Variants in CABLES1 observed in about 807,000 individuals in gnomAD.
The protein encoded by CABLES1 is CDK5 and ABL1 enzyme substrate 1.
A neutral mutation model predicts 57.8 loss-of-function variants in CABLES1; 36 were observed. The ratio of observed to expected loss-of-function variants is 0.62; its 90% confidence interval spans 0.48 to 0.82. The LOEUF (loss-of-function observed/expected upper bound fraction) is 0.82, where lower values mean the gene tolerates loss of function less well. CABLES1 is among the 40% of genes least tolerant of loss of function. The probability of loss-of-function intolerance (pLI) is 0.00; values close to 1 mark genes in which losing one functional copy is unlikely to be tolerated. For synonymous variants in CABLES1, 374 were observed against 363.0 expected (o/e 1.03, Z -0.35); for missense variants, 767 against 836.6 (o/e 0.92, Z 1.03).
intron 7 of CABLES1, among the ~76,000 whole-genome samples, chr18:23,245,798 G>A (rs960459416): frequency 2.0e-5 from 3 of 152,232 alleles, no homozygotes; most frequent in South Asian, 2.1e-4. Context: ...TCAAGTGCTC[G>A]ACAGTGCATT....
At chr18:23,226,971 T>C (rs1180159732) in intron 4 of CABLES1, 1 of 152,140 alleles carries the variant, frequency 6.6e-6, no homozygotes, top group Admixed American at 6.6e-5. Flanking sequence ...CAGGAGTCAC[T>C]TACTTACTAC....
intron 1 of CABLES1, among the ~76,000 whole-genome samples, chr18:23,147,385 C>T (rs1351670048): frequency 1.3e-5 from 2 of 152,232 alleles, no homozygotes; most frequent in African/African-American, 4.8e-5. Context: ...GACTCCAGTA[C>T]TTTTGGGGTG....
At chr18:23,151,771 G>A (rs918938208) in intron 1 of CABLES1, among the ~76,000 whole-genome samples, 1 of 152,212 alleles carries the variant, frequency 6.6e-6, no homozygotes, top group Non-Finnish European at 1.5e-5. Context: ...ACAAGGGCTA[G>A]AAGGATTGGG....
chr18:23,232,472 G>A lies in CABLES1; in HGVS notation c.1089-2136G>A, dbSNP rs573412622. Among the ~76,000 whole-genome samples the A allele has an allele frequency of 6.6e-5, 10 of 152,322 alleles. No homozygotes were observed. In the South Asian group the frequency reaches 8.3e-4, roughly 13 times the overall value. On this transcript the variant is annotated intron_variant, in intron 4 of 9. Transcript: ENST00000256925. Reference sequence around the variant, plus strand: ...ATTTTTGCTTCATTGCCTTGTTCACGTTTTTGCTTTGTAGGCACTTCCCTA... The same window carrying A: ...ATTTTTGCTTCATTGCCTTGTTCACATTTTTGCTTTGTAGGCACTTCCCTA...
rs9965513 is a variant in CABLES1 at position 23,154,534 on chromosome 18, C to T, written c.845+17927C>T. ...AATCGGGTGCCTCGTAGTGTGACTGCGAAGAGCAAATCTGAGATCTCTGTA... is the reference window on the plus strand; with the variant it reads ...AATCGGGTGCCTCGTAGTGTGACTGTGAAGAGCAAATCTGAGATCTCTGTA... On this transcript the variant is annotated intron_variant, in intron 1 of 9. Transcript: ENST00000256925. Among the ~76,000 whole-genome samples the T allele has an allele frequency of 4.9e-3, 744 of 152,210 alleles. 4 individuals carry two copies. Among genetic ancestry groups the T allele is most frequent in the African/African-American group, 0.017 (705 of 41,498 alleles).
At chr18:23,153,488 C>T (rs1371808264) in intron 1 of CABLES1, among the ~76,000 whole-genome samples, 2 of 151,996 alleles carry the variant, frequency 1.3e-5, no homozygotes. Flanking sequence ...AATCCCGGCA[C>T]TTTGGGAGGC....
intron 4 of CABLES1, among the ~76,000 whole-genome samples, chr18:23,232,898 G>C (rs971098972): frequency 6.6e-6 from 1 of 152,078 alleles, no homozygotes; most frequent in Non-Finnish European, 1.5e-5. Context: ...TTGGAGGATA[G>C]CTTTTTTCCC....
chr18:23,215,006 G>T (rs556586247), intron 4 of CABLES1, among the ~76,000 whole-genome samples: 1 of 152,314 alleles, frequency 6.6e-6, no homozygotes, highest in African/African-American at 2.4e-5. Flanking sequence ...TTCATTGTCA[G>T]CTCCATGGGA....
intron 1 of CABLES1, among the ~76,000 whole-genome samples, chr18:23,176,751 A>T (rs1046636413): frequency 3.3e-5 from 5 of 152,182 alleles, no homozygotes; most frequent in African/African-American, 1.2e-4. Context: ...GGATTCACAA[A>T]GCCCCATCAA....
At chr18:23,237,860 G>A (rs1598848723) in intron 7 of CABLES1, among the ~76,000 whole-genome samples, 1 of 152,218 alleles carries the variant, frequency 6.6e-6, no homozygotes, top group South Asian at 2.1e-4. Flanking sequence ...GGGGCCTGGC[G>A]GGGCCCTGGG....
chr18:23,136,638 C>T, intron 1 of CABLES1, 31 bp downstream of exon 1: 3 of 1,283,370 alleles, frequency 2.3e-6, no homozygotes, highest in Non-Finnish European at 3.0e-6. Context: ...GCGCACCCAA[C>T]CCTGCGTCCC....
intron 1 of CABLES1, among the ~76,000 whole-genome samples, chr18:23,149,455 T>C (rs1297675355): frequency 6.6e-6 from 1 of 152,086 alleles, no homozygotes; most frequent in Non-Finnish European, 1.5e-5. Context: ...TAAATTTTTG[T>C]ATTTTTAGTG....
At chr18:23,182,034 G>T (rs556002447) in intron 1 of CABLES1, among the ~76,000 whole-genome samples, 86 of 152,294 alleles carry the variant, frequency 5.6e-4, no homozygotes, top group African/African-American at 2.0e-3. Flanking sequence ...GCCAGGAAGG[G>T]GGGTACACCC....
At chr18:23,222,342 T>C (rs939842801) in intron 4 of CABLES1, among the ~76,000 whole-genome samples, 1 of 151,824 alleles carries the variant, frequency 6.6e-6, no homozygotes, top group Admixed American at 6.6e-5. Context: ...GGGCTTATAA[T>C]ATACATTTTA....
intron 3 of CABLES1, among the ~76,000 whole-genome samples, chr18:23,207,860 G>A (rs1011378958): frequency 6.6e-6 from 1 of 152,162 alleles, no homozygotes. Context: ...GGTGGTGGAG[G>A]TGGCAGTCAT....
At chr18:23,198,298 TAACTC>T (rs1167662935) in intron 3 of CABLES1, among the ~76,000 whole-genome samples, 2 of 152,174 alleles carry the variant, frequency 1.3e-5, no homozygotes, top group Middle Eastern at 3.2e-3. Flanking sequence ...TTTGTTTCAT[TAACTC>T]AAAACTCAGT....
intron 4 of CABLES1, 95 bp downstream of exon 4, chr18:23,214,149 G>T (rs1453892815): frequency 1.2e-6 from 1 of 818,946 alleles, no homozygotes; most frequent in Non-Finnish European, 2.0e-6. Context: ...TCAAGAAGTT[G>T]CCTTGCTTTG....
intron 4 of CABLES1, among the ~76,000 whole-genome samples, chr18:23,220,482 C>T (rs1363354959): frequency 1.3e-5 from 2 of 152,052 alleles, no homozygotes; most frequent in South Asian, 2.1e-4. Context: ...GCAGTGTGGC[C>T]GCAGATCTGC....
At chr18:23,138,493 A>G (rs1036372181) in intron 1 of CABLES1, among the ~76,000 whole-genome samples, 1 of 152,242 alleles carries the variant, frequency 6.6e-6, no homozygotes, top group Non-Finnish European at 1.5e-5. Flanking sequence ...GAACAGAAAC[A>G]GCTTAAATTT....
Sources: gnomAD v4.1 joint callset for allele counts (sites outside exome capture counted in the v4.1 genomes callset) on GRCh38, gnomAD v4.1.1 for gene constraint, MANE v1.5 for transcripts, NCBI Gene and HGNC (gene_info 2026-07-23, HGNC 2026-07-21) for gene names.